The following USP48 variants were observed in gnomAD, a reference collection of about 807,000 sequenced individuals.
USP48 encodes the protein ubiquitin carboxyl-terminal hydrolase 48.
Under a neutral mutation model 150.7 loss-of-function variants are expected in USP48, and 43 were observed. The ratio of observed to expected loss-of-function variants is 0.29; its 90% CI spans 0.22 to 0.37. The LOEUF is 0.37. Ranked by LOEUF, USP48 falls within the 10% of genes least tolerant of loss-of-function variation. USP48 has a pLI of 1.00. For missense variants in USP48, 813 were observed against 1,249.6 expected (o/e 0.65, Z 5.27); for synonymous variants, 396 against 425.9 (o/e 0.93, Z 0.86).
At chr1:21,774,253 A>G (rs1184829498) in intron 1 of USP48, among the ~76,000 whole-genome samples, 1 of 151,356 alleles carries the variant, frequency 6.6e-6, no homozygotes, top group Non-Finnish European at 1.5e-5. Context: ...GCTCCTGCTA[A>G]ATGAGATTTT....
chr1:21,710,038 A>G (rs1456708973), intron 15 of USP48, among the ~76,000 whole-genome samples: 1 of 152,162 alleles, frequency 6.6e-6, no homozygotes, highest in Non-Finnish European at 1.5e-5. Context: ...AATATACTTG[A>G]ATATTGTCTA....
chr1:21,707,327 C>T (rs2097675510), intron 15 of USP48, among the ~76,000 whole-genome samples: 1 of 152,190 alleles, frequency 6.6e-6, no homozygotes, highest in South Asian at 2.1e-4. Flanking sequence ...CTTGAAATCA[C>T]ACTGCATTAA....
chr1:21,769,383 G>C (rs543103925), intron 1 of USP48, among the ~76,000 whole-genome samples: 67 of 152,044 alleles, frequency 4.4e-4, no homozygotes, highest in African/African-American at 1.2e-3. Context: ...GTCTTACTTG[G>C]GGGTGGAGGG....
intron 12 of USP48, among the ~76,000 whole-genome samples, chr1:21,723,132 T>G (rs1293873300): frequency 1.3e-5 from 2 of 152,192 alleles, no homozygotes; most frequent in African/African-American, 4.8e-5. Flanking sequence ...GGTTGGGTAC[T>G]ATGTGGTCAT....
At chr1:21,699,814 C>CCA (rs10660046) in intron 22 of USP48, among the ~76,000 whole-genome samples, 66,240 of 148,976 alleles carry the variant, frequency 0.44, 15,133 homozygotes, top group East Asian at 0.65. Flanking sequence ...CTGCGCCTGG[C>CCA]CACACACACA....
chr1:21,704,408 A>T lies in USP48; in HGVS notation c.2385-16T>A, dbSNP rs778448622. ...GAGAGCTATACTGTGCAAAAAAAAA[A>T]CACAACATGCCTTAAGACACATGGA... On this transcript the variant is annotated splice_polypyrimidine_tract_variant and intron_variant, in intron 19 of 26. Transcript: ENST00000308271. 5 of 1,586,696 alleles carry T rather than the reference A, an allele frequency of 3.2e-6. No individual in the cohort carries two copies. Among genetic ancestry groups the T allele is most frequent in the Non-Finnish European group, 4.3e-6 (5 of 1,172,608 alleles).
At position 21,700,802 on chromosome 1, in the gene USP48, G is replaced by A. The variant is rs118117232; in HGVS notation, c.2727+696C>T. ...AAAAGACAATTTATGGGCCGGATGCGGTGGCTCACGCCTATAATCCCAGCA... is the reference window on the plus strand; with the variant it reads ...AAAAGACAATTTATGGGCCGGATGCAGTGGCTCACGCCTATAATCCCAGCA... On this transcript the variant is annotated intron_variant, in intron 22 of 26. Transcript: ENST00000308271. Among the ~76,000 whole-genome samples the A allele has an allele frequency of 3.1e-3, 468 of 152,320 alleles. 9 individuals are homozygous for A. The East Asian group carries it at 0.054, about 17-fold the overall frequency.
intron 22 of USP48, among the ~76,000 whole-genome samples, chr1:21,698,424 A>G (rs1229090853): frequency 6.6e-6 from 1 of 152,222 alleles, no homozygotes; most frequent in African/African-American, 2.4e-5. Context: ...ATCCACAACT[A>G]AGGAGAGTGA....
chr1:21,699,477 C>T (rs1417570610), intron 22 of USP48, among the ~76,000 whole-genome samples: 1 of 151,540 alleles, frequency 6.6e-6, no homozygotes, highest in African/African-American at 2.4e-5. Flanking sequence ...GAATTACAGG[C>T]ATGAGCCACC....
At chr1:21,772,921 C>CAAA (rs112945957) in intron 1 of USP48, among the ~76,000 whole-genome samples, 1 of 108,316 alleles carries the variant, frequency 9.2e-6, no homozygotes, top group East Asian at 2.5e-4. Context: ...GACTCTGTCT[C>CAAA]AAAAAAAAAA....
rs542742658 is a variant in USP48, at chr1:21,778,006, GGCGGTGTGC to G, written c.134+4809_134+4817del. On this transcript the variant is annotated intron_variant, in intron 1 of 26. Transcript: ENST00000308271. ...AAAAAAAAAAAAATTAGCTAGGCGTGGCGGTGTGCGCCTGTAGTCCCAGCTACTCGGGAG... is the reference window on the plus strand; with the variant it reads ...AAAAAAAAAAAAATTAGCTAGGCGTGGCCTGTAGTCCCAGCTACTCGGGAG... Among the ~76,000 whole-genome samples, 62 of 150,854 alleles carry G rather than the reference GGCGGTGTGC, an allele frequency of 4.1e-4. No homozygotes were observed. The South Asian group carries it at 0.013, about 31-fold the overall frequency.
At chr1:21,733,340 C>G (rs1257440486) in intron 9 of USP48, among the ~76,000 whole-genome samples, 1 of 152,000 alleles carries the variant, frequency 6.6e-6, no homozygotes, top group African/African-American at 2.4e-5. Context: ...TCGTTTGAAC[C>G]TGGGAGGTGG....
In USP48 at chr1:21,703,619, C is replaced by CT. The variant is rs767645030; in HGVS notation, c.2516-2dup. ...CCTTCTCTGCATTCTGGACAGAGTT[C>CT]TTTGGGGGAAAAAAAAAAAGGGAAA... On this transcript the variant is annotated splice_acceptor_variant, in intron 20 of 26. Transcript: ENST00000308271. LOFTEE classifies it high-confidence loss of function. The CT allele has an allele frequency of 6.3e-7, 1 of 1,581,142 alleles. No homozygotes were observed. Among genetic ancestry groups the CT allele is most frequent in the African/African-American group, 1.4e-5 (1 of 72,788 alleles).
chr1:21,769,325 T>A (rs2097872154), intron 1 of USP48, among the ~76,000 whole-genome samples: 1 of 151,748 alleles, frequency 6.6e-6, no homozygotes, highest in Non-Finnish European at 1.5e-5. Flanking sequence ...GATGAGAACT[T>A]CTGAACACAA....
intron 23 of USP48, among the ~76,000 whole-genome samples, chr1:21,691,227 T>C (rs1390011159): frequency 6.6e-6 from 1 of 150,420 alleles, no homozygotes; most frequent in Admixed American, 6.7e-5. Context: ...GGCCAGAGAA[T>C]TGCTTGAACC....
intron 10 of USP48, among the ~76,000 whole-genome samples, chr1:21,729,378 AACTCT>A (rs2097750355): frequency 6.6e-6 from 1 of 152,192 alleles, no homozygotes; most frequent in Non-Finnish European, 1.5e-5. Context: ...GGGCAGCAAC[AACTCT>A]ACCTTTTATA....
At chr1:21,773,805 G>A (rs2070810675) in intron 1 of USP48, among the ~76,000 whole-genome samples, 2 of 151,862 alleles carry the variant, frequency 1.3e-5, no homozygotes, top group South Asian at 2.1e-4. Context: ...ATCAAAAACC[G>A]GAAACCCCAA....
At chr1:21,709,585 TA>T (rs35471864) in intron 15 of USP48, among the ~76,000 whole-genome samples, 5,036 of 145,344 alleles carry the variant, frequency 0.035, 281 homozygotes, top group African/African-American at 0.12. Context: ...TTTTATGCTT[TA>T]AAAAAAAAAA....
intron 8 of USP48, among the ~76,000 whole-genome samples, chr1:21,739,079 T>C (rs2097775107): frequency 6.6e-6 from 1 of 152,192 alleles, no homozygotes; most frequent in African/African-American, 2.4e-5. Flanking sequence ...AGTTTCCCTC[T>C]GCGAGTGTTA....
Sources: gnomAD v4.1 joint callset for allele counts (sites outside exome capture counted in the v4.1 genomes callset) on GRCh38, gnomAD v4.1.1 for gene constraint, MANE v1.5 for transcripts, NCBI Gene and HGNC (gene_info 2026-07-23, HGNC 2026-07-21) for gene names.